GXYLT2: variants seen among roughly 807,000 people sequenced by gnomAD.
The protein encoded by GXYLT2 is glycosyltransferase 8 domain containing 4.
Under a neutral mutation model 45.8 loss-of-function variants are expected in GXYLT2, and 53 were observed. The ratio of observed to expected loss-of-function variants is 1.16; its 90% CI spans 0.93 to 1.46. GXYLT2 has a LOEUF of 1.46. Among genes scored for constraint, GXYLT2 ranks in the 40% most tolerant of loss-of-function variants. The pLI, the probability that GXYLT2 is intolerant of heterozygous loss-of-function variation, is 0.00. For missense variants in GXYLT2, 551 were observed against 544.4 expected, an observed-to-expected ratio of 1.01 and a Z score of -0.12; for synonymous variants, 219 against 214.2, an observed-to-expected ratio of 1.02 and a Z score of -0.19.
chr3:72,909,062 C>CTTTTTTTTTTT (rs71126804), intron 2 of GXYLT2, among the ~76,000 whole-genome samples: 10 of 91,124 alleles, frequency 1.1e-4, no homozygotes, highest in African/African-American at 3.9e-4. Context: ...TTCTTCCTTT[C>CTTTTTTTTTTT]TTTTTTTTTT....
intron 5 of GXYLT2, among the ~76,000 whole-genome samples, chr3:72,963,669 ATTTTTT>A (rs34028884): frequency 8.1e-6 from 1 of 123,396 alleles, no homozygotes; most frequent in Non-Finnish European, 1.6e-5. Flanking sequence ...TGCCTAGCTA[ATTTTTT>A]TTTTTTTTTT....
chr3:72,912,007 A>ATTTTTTT (rs1263544972), intron 2 of GXYLT2, among the ~76,000 whole-genome samples: 2 of 125,020 alleles, frequency 1.6e-5, no homozygotes, highest in Admixed American at 7.9e-5. Context: ...ATATATATAT[A>ATTTTTTT]TATATATTTT....
chr3:72,912,932 T>C (rs1178842251), intron 2 of GXYLT2, among the ~76,000 whole-genome samples: 6 of 152,176 alleles, frequency 3.9e-5, no homozygotes, highest in African/African-American at 1.4e-4. Context: ...AGAGCTAAAT[T>C]ATATGGGAAA....
At chr3:72,925,841 C>T (rs1207851827) in intron 3 of GXYLT2, among the ~76,000 whole-genome samples, 3 of 152,142 alleles carry the variant, frequency 2.0e-5, no homozygotes, top group Admixed American at 6.5e-5. Flanking sequence ...CAAATGGGTG[C>T]TGGCATTCCT....
At chr3:72,970,421 G>A (rs1435821695) in intron 6 of GXYLT2, among the ~76,000 whole-genome samples, 1 of 150,870 alleles carries the variant, frequency 6.6e-6, no homozygotes, top group African/African-American at 2.4e-5. Flanking sequence ...CCAGCACTTT[G>A]GAGGCTGAGG....
intron 2 of GXYLT2, among the ~76,000 whole-genome samples, chr3:72,909,155 G>GT (rs1318879027): frequency 7.5e-6 from 1 of 133,786 alleles, no homozygotes; most frequent in Non-Finnish European, 1.5e-5. Flanking sequence ...TGCACCCTCT[G>GT]TTTCCTGGGT....
intron 5 of GXYLT2, among the ~76,000 whole-genome samples, chr3:72,964,859 T>C (rs902462111): frequency 1.8e-4 from 27 of 152,214 alleles, no homozygotes; most frequent in African/African-American, 6.5e-4. Flanking sequence ...ACAATGTAAA[T>C]GCTTGGGTGA....
intron 5 of GXYLT2, among the ~76,000 whole-genome samples, chr3:72,959,096 C>T (rs1239559706): frequency 6.8e-6 from 1 of 146,224 alleles, no homozygotes; most frequent in Non-Finnish European, 1.5e-5. Flanking sequence ...GTGTGCATCA[C>T]CACACCCAGC....
intron 1 of GXYLT2, among the ~76,000 whole-genome samples, chr3:72,904,896 A>ATT (rs1380232033): frequency 4.9e-4 from 47 of 95,490 alleles, no homozygotes; most frequent in African/African-American, 1.5e-3. Context: ...AAAAAAAAAA[A>ATT]AATTAACCAG....
intron 5 of GXYLT2, among the ~76,000 whole-genome samples, chr3:72,960,130 T>C (rs753139020): frequency 4.6e-5 from 7 of 152,250 alleles, no homozygotes; most frequent in Admixed American, 1.3e-4. Context: ...AATTTTTGTA[T>C]TATAGGCATC....
chr3:72,923,610 T>C lies in GXYLT2; in HGVS notation c.600+1275T>C, dbSNP rs188585202. The stretch of plus-strand genomic sequence containing the variant: ...GAGTGCCCACCAGGGTGCTGGGCCC[T>C]GGCTCAGTGATGATGACATGGTAAT... On this transcript the variant is annotated intron_variant, in intron 3 of 6. Coordinates refer to ENST00000389617, the MANE Select transcript of GXYLT2 (RefSeq NM_001080393.2). Among the ~76,000 whole-genome samples, 749 of 152,314 alleles carry C rather than the reference T, an allele frequency of 4.9e-3. 7 individuals carry two copies. The highest frequency in any genetic ancestry group is 0.017 in the African/African-American group (723 of 41,570).
intron 1 of GXYLT2, among the ~76,000 whole-genome samples, chr3:72,889,877 C>T (rs1054757206): frequency 6.6e-6 from 1 of 150,906 alleles, no homozygotes; most frequent in Non-Finnish European, 1.5e-5. Context: ...CCTTCCCCCC[C>T]ACCGCTGTTT....
chr3:72,954,431 G>GTGTGTGTGTGTT (rs1553709989), intron 3 of GXYLT2, among the ~76,000 whole-genome samples: 4 of 150,114 alleles, frequency 2.7e-5, no homozygotes, highest in African/African-American at 9.9e-5. Flanking sequence ...GTGTGTGTGT[G>GTGTGTGTGTGTT]TGTATTTGTA....
At chr3:72,935,353 A>G (rs1249835765) in intron 3 of GXYLT2, among the ~76,000 whole-genome samples, 1 of 152,222 alleles carries the variant, frequency 6.6e-6, no homozygotes, top group Non-Finnish European at 1.5e-5. Context: ...GAATAGCAAT[A>G]AAATGATCAG....
chr3:72,914,710 T>A (rs1709702298), intron 2 of GXYLT2, among the ~76,000 whole-genome samples: 2 of 151,996 alleles, frequency 1.3e-5, no homozygotes, highest in South Asian at 4.1e-4. Context: ...TGACAGTAGC[T>A]GGGGTTTCCT....
rs1387857736 is a variant in GXYLT2, at chr3:72,888,373, C to A, written c.140C>A (p.Pro47His). ...ARPASAPQRHPAPVPARWPGP... is the reference protein window; with the variant it reads ...ARPASAPQRHHAPVPARWPGP... ...CCCGCGTCCGCCCCGCAGCGCCACC[C>A]CGCGCCTGTCCCCGCGCGCTGGCCG... The change falls in exon 1 of 7, where the codon CCC (proline) becomes CAC (histidine). Residue 47 changes from proline (P) to histidine (H), a missense_variant. Transcript: ENST00000389617. 2.0e-6 allele frequency: 2 copies of A among 984,368 alleles called. No individual in the cohort carries two copies. Among genetic ancestry groups the A allele is most frequent in the South Asian group, 4.6e-5 (1 of 21,930 alleles). 61.0% of individuals were successfully genotyped at this position (984,368 alleles called of 1,614,324 possible).
chr3:72,935,659 A>G (rs894861200), intron 3 of GXYLT2, among the ~76,000 whole-genome samples: 2 of 152,256 alleles, frequency 1.3e-5, no homozygotes, highest in African/African-American at 4.8e-5. Context: ...AAGGACTTCA[A>G]ACTCTTCAAC....
intron 1 of GXYLT2, 28 bp downstream of exon 1, chr3:72,888,536 T>C: frequency 8.4e-7 from 1 of 1,190,912 alleles, no homozygotes; most frequent in Non-Finnish European, 1.0e-6. Context: ...CAGAATCCCA[T>C]CTGCGGACCC....
At chr3:72,922,525 G>A (rs1019432475) in intron 3 of GXYLT2, among the ~76,000 whole-genome samples, 190 bp downstream of exon 3, 1 of 152,192 alleles carries the variant, frequency 6.6e-6, no homozygotes, top group Non-Finnish European at 1.5e-5. Context: ...CCGAAAGACT[G>A]AGGGACTGTG....
Sources: gnomAD v4.1 joint callset for allele counts (sites outside exome capture counted in the v4.1 genomes callset) on GRCh38, gnomAD v4.1.1 for gene constraint, MANE v1.5 for transcripts, NCBI Gene and HGNC (gene_info 2026-07-23, HGNC 2026-07-21) for gene names.